The following CPNE4 variants were observed in gnomAD, a reference collection of about 807,000 sequenced individuals.
CPNE4 encodes copine-4.
A neutral mutation model predicts 67.9 loss-of-function variants in CPNE4; 25 were observed. That is an observed-to-expected ratio of 0.37 (90% CI 0.27 to 0.51). The LOEUF is 0.51. Among genes scored for constraint, CPNE4 ranks in the 20% least tolerant of loss-of-function variants. The probability of loss-of-function intolerance (pLI) is 0.93; values close to 1 mark genes in which losing one functional copy is unlikely to be tolerated. For synonymous variants in CPNE4, 242 were observed against 244.9 expected (o/e 0.99, Z 0.11); for missense variants, 464 against 690.8 (o/e 0.67, Z 3.68).
At chr3:132,004,794 C>G (rs2073543919) in intron 1 of CPNE4, among the ~76,000 whole-genome samples, 1 of 152,086 alleles carries the variant, frequency 6.6e-6, no homozygotes, top group Admixed American at 6.6e-5. Flanking sequence ...AATGTAATAG[C>G]ACATTCCCAG....
intron 2 of CPNE4, among the ~76,000 whole-genome samples, chr3:131,847,185 C>T (rs1159993584): frequency 6.6e-6 from 1 of 152,168 alleles, no homozygotes; most frequent in Non-Finnish European, 1.5e-5. Flanking sequence ...AGGTTTCTGT[C>T]TCATCTCCCT....
At chr3:131,764,057 G>T (rs2082951176) in intron 2 of CPNE4, among the ~76,000 whole-genome samples, 1 of 151,990 alleles carries the variant, frequency 6.6e-6, no homozygotes, top group African/African-American at 2.4e-5. Flanking sequence ...TGAGCCACAA[G>T]GATTTAATAA....
intron 2 of CPNE4, among the ~76,000 whole-genome samples, chr3:131,859,451 C>G (rs571889311): frequency 9.9e-5 from 15 of 152,184 alleles, no homozygotes; most frequent in African/African-American, 3.4e-4. Context: ...AGCCTTTTTC[C>G]TTTGTCCCTG....
At chr3:131,830,925 A>G (rs1437684556) in intron 2 of CPNE4, among the ~76,000 whole-genome samples, 2 of 152,142 alleles carry the variant, frequency 1.3e-5, no homozygotes, top group African/African-American at 2.4e-5. Context: ...AGATACAAGG[A>G]AAGTCTTCCC....
At chr3:131,739,437 C>G (rs1270416071) in intron 2 of CPNE4, among the ~76,000 whole-genome samples, 1 of 152,186 alleles carries the variant, frequency 6.6e-6, no homozygotes, top group Non-Finnish European at 1.5e-5. Context: ...GCTGCTTCCC[C>G]CTGTGGCTGT....
intron 2 of CPNE4, among the ~76,000 whole-genome samples, chr3:131,835,255 G>A (rs967542787): frequency 2.0e-5 from 3 of 152,206 alleles, no homozygotes; most frequent in Non-Finnish European, 4.4e-5. Flanking sequence ...GGGGCCAGGT[G>A]CGGAGGCTCA....
At chr3:131,651,816 A>C (rs754288016) in intron 7 of CPNE4, among the ~76,000 whole-genome samples, 1 of 152,150 alleles carries the variant, frequency 6.6e-6, no homozygotes, top group Non-Finnish European at 1.5e-5. Context: ...TCCAAGTTTT[A>C]GTCTGGCTTC....
intron 1 of CPNE4, among the ~76,000 whole-genome samples, chr3:131,906,135 A>T (rs1043657973): frequency 2.0e-5 from 3 of 152,002 alleles, no homozygotes; most frequent in African/African-American, 7.2e-5. Flanking sequence ...TTGTGGAAAC[A>T]GCAGCTACAT....
chr3:131,915,630 C>G (rs1330864911), intron 1 of CPNE4, among the ~76,000 whole-genome samples: 3 of 152,140 alleles, frequency 2.0e-5, no homozygotes, highest in Non-Finnish European at 4.4e-5. Flanking sequence ...GGACAATATG[C>G]ATACATGAAT....
At chr3:131,727,305 T>G (rs1042374352) in intron 2 of CPNE4, among the ~76,000 whole-genome samples, 3 of 151,958 alleles carry the variant, frequency 2.0e-5, no homozygotes, top group African/African-American at 4.8e-5. Context: ...TAAAAATATC[T>G]AAAACACGGC....
chr3:131,963,565 C>T (rs2072247871), intron 1 of CPNE4, among the ~76,000 whole-genome samples: 1 of 152,196 alleles, frequency 6.6e-6, no homozygotes, highest in Non-Finnish European at 1.5e-5. Context: ...GGAGGGGCAT[C>T]CACCATTACT....
intron 15 of CPNE4, among the ~76,000 whole-genome samples, chr3:131,537,949 G>A (rs1008040922): frequency 8.5e-5 from 13 of 152,086 alleles, no homozygotes; most frequent in African/African-American, 3.1e-4. Flanking sequence ...TTGTGTGGGG[G>A]ACTGTCCGGT....
intron 2 of CPNE4, among the ~76,000 whole-genome samples, chr3:131,885,153 G>T (rs1384147206): frequency 1.3e-5 from 2 of 152,124 alleles, no homozygotes; most frequent in Admixed American, 6.5e-5. Flanking sequence ...ATAGTGATAG[G>T]AACAATAAGG....
At chr3:131,690,069 T>C (rs901787146) in intron 5 of CPNE4, among the ~76,000 whole-genome samples, 1 of 152,216 alleles carries the variant, frequency 6.6e-6, no homozygotes, top group African/African-American at 2.4e-5. Flanking sequence ...AAGCATTCCA[T>C]GCTCATGGAT....
rs1939848365 is a variant in CPNE4, at chr3:131,611,647, T to C, written c.682-24065A>G. On this transcript the variant is annotated intron_variant, in intron 7 of 15. Transcript: ENST00000429747. The stretch of plus-strand genomic sequence containing the variant: ...TGGAGGACCTCTCCTTTCCTCTTGA[T>C]CTAGAATGTCTTTTTTTTTTTTAGG... 2.7e-5 allele frequency among the ~76,000 whole-genome samples: 4 copies of C among 149,734 alleles called. No individual in the cohort carries two copies. The South Asian group carries it at 8.4e-4, about 32-fold the overall frequency.
chr3:131,765,422 T>C (rs1295154730), intron 2 of CPNE4, among the ~76,000 whole-genome samples: 13 of 152,100 alleles, frequency 8.5e-5, no homozygotes, highest in Non-Finnish European at 1.9e-4. Context: ...TTATCAAGAA[T>C]TGCTTTAGGC....
At chr3:131,655,436 G>T (rs573235788) in intron 7 of CPNE4, among the ~76,000 whole-genome samples, 1 of 152,298 alleles carries the variant, frequency 6.6e-6, no homozygotes, top group South Asian at 2.1e-4. Flanking sequence ...AGTAGCAGGG[G>T]TGATTGCATG....
intron 1 of CPNE4, among the ~76,000 whole-genome samples, chr3:131,994,783 C>CA (rs2073248153): frequency 6.6e-6 from 1 of 152,116 alleles, no homozygotes; most frequent in Non-Finnish European, 1.5e-5. Context: ...TTTTAAAAAC[C>CA]TTTTCTATAA....
intron 7 of CPNE4, among the ~76,000 whole-genome samples, chr3:131,619,560 T>C (rs769053936): frequency 4.6e-5 from 7 of 152,230 alleles, no homozygotes; most frequent in Admixed American, 3.9e-4. Flanking sequence ...CTCTTCATTT[T>C]ACAGGATCAG....
Sources: allele counts gnomAD v4.1 joint callset (sites outside exome capture counted in the v4.1 genomes callset), GRCh38; gene constraint gnomAD v4.1.1; transcripts MANE v1.5; gene names NCBI Gene and HGNC (gene_info 2026-07-23, HGNC 2026-07-21).